STON1: variants seen among roughly 807,000 people sequenced by gnomAD.
STON1 encodes the protein stonin-1.
Under a neutral mutation model 60.9 loss-of-function variants are expected in STON1, and 79 were observed. The observed-to-expected ratio is 1.30, with a 90% CI of 1.08 to 1.56. STON1 has a LOEUF of 1.56. STON1 is among the 40% of genes most tolerant of loss of function. STON1 has a pLI of 0.00. For missense variants in STON1, 1,166 were observed against 858.9 expected, an observed-to-expected ratio of 1.36 and a Z score of -4.47; for synonymous variants, 363 against 306.9, an observed-to-expected ratio of 1.18 and a Z score of -1.91.
chr2:48,581,046 G>A lies in STON1; in HGVS notation c.413G>A (p.Ser138Asn), dbSNP rs761594168. ...TGTTTATCCCATGCCTTGTTACCCA[G>A]TGACCACTCATGTACACATCCAACT... ...PTCLSHALLP[S>N]DHSCTHPTPK... Residue 138 changes from serine (S) to asparagine (N), a missense_variant, in exon 2 of 4, where the codon AGT (serine) becomes AAT (asparagine). Ser to Asn is a conservative substitution (Grantham distance 46). Coordinates refer to ENST00000404752, the MANE Select transcript of STON1 (RefSeq NM_006873.4). 15 of 1,581,614 alleles carry A rather than the reference G, an allele frequency of 9.5e-6. No homozygotes were observed. The highest frequency in any genetic ancestry group is 1.4e-5 in the African/African-American group (1 of 73,770).
At chr2:48,538,981 C>T (rs1671545984) in intron 1 of STON1, among the ~76,000 whole-genome samples, 1 of 151,598 alleles carries the variant, frequency 6.6e-6, no homozygotes, top group South Asian at 2.1e-4. Flanking sequence ...GCAGCGGCAC[C>T]ATCATAGCTC....
chr2:48,543,982 G>T (rs1414215142), intron 1 of STON1, among the ~76,000 whole-genome samples: 1 of 152,168 alleles, frequency 6.6e-6, no homozygotes, highest in African/African-American at 2.4e-5. Context: ...CACCAAAGGG[G>T]TGGCTGGAGG....
intron 1 of STON1, among the ~76,000 whole-genome samples, chr2:48,547,241 C>T (rs1016239691): frequency 3.9e-5 from 6 of 152,284 alleles, no homozygotes; most frequent in Middle Eastern, 3.4e-3. Context: ...ATTTAATGCC[C>T]ATTGAACAGT....
At chr2:48,545,694 T>C (rs1671836984) in intron 1 of STON1, among the ~76,000 whole-genome samples, 1 of 152,226 alleles carries the variant, frequency 6.6e-6, no homozygotes, top group Non-Finnish European at 1.5e-5. Flanking sequence ...CTTTTCTGTT[T>C]GTCTTCTGAT....
chr2:48,540,005 G>T (rs929719861), intron 1 of STON1, among the ~76,000 whole-genome samples: 2 of 152,044 alleles, frequency 1.3e-5, no homozygotes, highest in African/African-American at 4.8e-5. Context: ...CCCCCTCACT[G>T]CATGTATGGT....
intron 1 of STON1, among the ~76,000 whole-genome samples, chr2:48,567,237 T>C (rs1175239052): frequency 6.6e-6 from 1 of 152,194 alleles, no homozygotes; most frequent in Non-Finnish European, 1.5e-5. Context: ...CTGCAGAACA[T>C]ATGTGCTAAT....
chr2:48,559,473 A>G (rs1672520408), intron 1 of STON1, among the ~76,000 whole-genome samples: 1 of 152,190 alleles, frequency 6.6e-6, no homozygotes, highest in African/African-American at 2.4e-5. Flanking sequence ...TCTGTTCATA[A>G]GGTCAGAGCC....
chr2:48,540,030 C>G (rs1218826130), intron 1 of STON1, among the ~76,000 whole-genome samples: 1 of 152,182 alleles, frequency 6.6e-6, no homozygotes, highest in African/African-American at 2.4e-5. Context: ...AAAGCCCCAG[C>G]TCGCAGGTAT....
At chr2:48,563,533 G>C (rs1231936825) in intron 1 of STON1, among the ~76,000 whole-genome samples, 6 of 152,184 alleles carry the variant, frequency 3.9e-5, no homozygotes, top group African/African-American at 1.4e-4. Context: ...CAGTACCCAT[G>C]GTCATAGCAG....
At chr2:48,583,403 T>G (rs1216788975) in intron 2 of STON1, among the ~76,000 whole-genome samples, 1 of 152,220 alleles carries the variant, frequency 6.6e-6, no homozygotes, top group African/African-American at 2.4e-5. Flanking sequence ...CTGGTTGTTT[T>G]AGAATTAGGT....
At position 48,579,160 on chromosome 2, in the gene STON1, T is replaced by C. The variant is rs577985616; in HGVS notation, c.-47-1427T>C. Among the ~76,000 whole-genome samples, 3 of 151,908 alleles carry C rather than the reference T, an allele frequency of 2.0e-5. No homozygotes were observed. The East Asian group carries it at 5.9e-4, about 30-fold the overall frequency. On this transcript the variant is annotated intron_variant, in intron 1 of 3. Transcript: ENST00000404752. ...CTGGGATTACAAGTGTGTGCCACCA[T>C]GCCCAGCTAATTTTTTGTATTTTTA...
chr2:48,561,615 G>C (rs750378879), intron 1 of STON1, among the ~76,000 whole-genome samples: 1 of 152,214 alleles, frequency 6.6e-6, no homozygotes, highest in Non-Finnish European at 1.5e-5. Flanking sequence ...GTGCATTGTA[G>C]AATGTTTAGC....
At chr2:48,578,465 A>G (rs1325764587) in intron 1 of STON1, among the ~76,000 whole-genome samples, 1 of 147,486 alleles carries the variant, frequency 6.8e-6, no homozygotes, top group Non-Finnish European at 1.5e-5. Flanking sequence ...GTGTTAGTGT[A>G]TTTTGTGTGT....
At chr2:48,574,638 C>T (rs1032841041) in intron 1 of STON1, among the ~76,000 whole-genome samples, 1 of 152,176 alleles carries the variant, frequency 6.6e-6, no homozygotes, top group African/African-American at 2.4e-5. Flanking sequence ...ATACACTTCA[C>T]AGGGTCTTTT....
At position 48,595,527 on chromosome 2, in the gene STON1, C is replaced by T. The variant is rs1330782129; in HGVS notation, c.*225C>T. 1.5e-5 allele frequency: 7 copies of T among 475,570 alleles called. No homozygotes were observed. The highest frequency in any genetic ancestry group is 2.6e-5 in the Non-Finnish European group (7 of 268,686). 29.5% of individuals were successfully genotyped at this position (475,570 alleles called of 1,614,324 possible). A position where few individuals can be genotyped will look rare whatever the true frequency, so the allele number is the denominator to read the frequency against. ...TTCGATCTAAAATGTTTCTATAATTCGTGTGATGTTTTGCTTCCTATTGAA... is the reference window on the plus strand; with the variant it reads ...TTCGATCTAAAATGTTTCTATAATTTGTGTGATGTTTTGCTTCCTATTGAA... On this transcript the variant is annotated 3_prime_UTR_variant, in exon 4 of 4. Transcript: ENST00000404752.
At chr2:48,592,328 T>C (rs1208291954) in intron 3 of STON1, among the ~76,000 whole-genome samples, 2 of 152,136 alleles carry the variant, frequency 1.3e-5, no homozygotes, top group African/African-American at 2.4e-5. Context: ...TATTGTGTCT[T>C]GTCTTTGTGG....
Position 48,591,766 on chromosome 2 carries a change from G to T in STON1, c.2044G>T (p.Ala682Ser). The T allele has an allele frequency of 2.5e-6, 4 of 1,614,168 alleles. No individual in the cohort carries two copies. Among genetic ancestry groups the T allele is most frequent in the Non-Finnish European group, 2.5e-6 (3 of 1,180,036 alleles). Residue 682 changes from alanine to serine, a missense_variant, in exon 3 of 4, where the codon GCC becomes TCC. Physicochemically the swap from Ala to Ser is moderately conservative, Grantham distance 99. Transcript: ENST00000404752. ...TVQFSVPDTC[A>S]SRTEVRSLGV... is the part of the protein sequence containing the mutation. ...TCAGTTTTCCGTGCCTGACACCTGT[G>T]CCTCAAGGACAGAGGTCAGGTCTCT...
chr2:48,539,958 A>T (rs1450147656), intron 1 of STON1, among the ~76,000 whole-genome samples: 1 of 152,042 alleles, frequency 6.6e-6, no homozygotes, highest in East Asian at 1.9e-4. Flanking sequence ...TAAGTGCCTC[A>T]CTAACAGCTC....
intron 1 of STON1, among the ~76,000 whole-genome samples, chr2:48,535,282 A>C (rs1445167670): frequency 1.3e-5 from 2 of 152,218 alleles, no homozygotes; most frequent in Non-Finnish European, 2.9e-5. Context: ...AACACACAAC[A>C]ATAAATTATC....
Sources: allele counts gnomAD v4.1 joint callset (sites outside exome capture counted in the v4.1 genomes callset), GRCh38; gene constraint gnomAD v4.1.1; transcripts MANE v1.5; gene names NCBI Gene and HGNC (gene_info 2026-07-23, HGNC 2026-07-21).